Variants in SLC43A2 observed in about 807,000 individuals in gnomAD.
The protein encoded by SLC43A2 is large neutral amino acids transporter small subunit 4.
Under a neutral mutation model 63.2 loss-of-function variants are expected in SLC43A2, and 38 were observed. That is an observed-to-expected ratio of 0.60 (90% CI 0.46 to 0.79). The LOEUF (loss-of-function observed/expected upper bound fraction) is 0.79. SLC43A2 is among the 30% of genes least tolerant of loss of function. SLC43A2 has a pLI of 0.00. For missense variants in SLC43A2, 644 were observed against 756.2 expected, an observed-to-expected ratio of 0.85 and a Z score of 1.74; for synonymous variants, 322 against 331.0, an observed-to-expected ratio of 0.97 and a Z score of 0.30.
chr17:1,602,491 C>A (rs956420890), intron 5 of SLC43A2, among the ~76,000 whole-genome samples: 1 of 151,764 alleles, frequency 6.6e-6, no homozygotes, highest in African/African-American at 2.4e-5. Flanking sequence ...ACTAAAAATA[C>A]AAAAATTAGC....
rs1006963551 is a variant in SLC43A2, at chr17:1,583,499, G to A, written c.1218-163C>T. The stretch of plus-strand genomic sequence containing the variant: ...GTGTCGGGGCTGGACCAGCACTACG[G>A]ACACTCCCCGGCCCTTCTCAGTGGC... On this transcript the variant is annotated intron_variant, in intron 10 of 13. Transcript: ENST00000301335. This position sits in a 1 kb window ranked among gnomAD's most constrained non-coding sequence, Gnocchi z 5.5. The A allele has an allele frequency of 1.2e-5, 15 of 1,252,850 alleles. No homozygotes were observed. The African/African-American group carries it at 1.5e-4, about 13-fold the overall frequency. The allele number at this position is 1,252,850 out of a possible 1,614,324, so 77.6% of individuals were successfully genotyped here.
chr17:1,577,161 G>A lies in SLC43A2; in HGVS notation c.1425-441C>T, dbSNP rs2075947166. Among the ~76,000 whole-genome samples the A allele has an allele frequency of 6.6e-6, 1 of 152,190 alleles. No individual in the cohort carries two copies. Among genetic ancestry groups the A allele is most frequent in the African/African-American group, 2.4e-5 (1 of 41,440 alleles). On this transcript the variant is annotated intron_variant, in intron 12 of 13. Transcript: ENST00000301335. The surrounding 1 kb of genome is among the most constrained non-coding windows in gnomAD (Gnocchi z 4.9). ...TTACAGGCGTGAGCCACCGCGCCCGGCCCTGCTGGGTGGTTCTGCAAAGTG... is the reference window on the plus strand; with the variant it reads ...TTACAGGCGTGAGCCACCGCGCCCGACCCTGCTGGGTGGTTCTGCAAAGTG...
chr17:1,604,695 T>C, intron 5 of SLC43A2: 1 of 1,529,678 alleles, frequency 6.5e-7, no homozygotes, highest in Non-Finnish European at 8.8e-7. Flanking sequence ...ATGGCTTACA[T>C]TCCTTCTGAA....
rs1470371320 is a variant in SLC43A2, at chr17:1,590,836, G to A, written c.1044C>T (p.Ile348=). 1.3e-6 allele frequency: 2 copies of A among 1,556,102 alleles called. No individual in the cohort carries two copies. Among genetic ancestry groups the A allele is most frequent in the Non-Finnish European group, 1.7e-6 (2 of 1,149,080 alleles). Residue 348 remains isoleucine, a synonymous_variant, in exon 9 of 14, where the codon ATC becomes ATT. Coordinates refer to ENST00000301335, the MANE Select transcript of SLC43A2 (RefSeq NM_152346.3). ...LIFYMGAMNN[I]LKFLVSGDQK... The stretch of plus-strand genomic sequence containing the variant: ...GGTCGCCGCTGACCAGGAACTTGAG[G>A]ATGTTGTTCATAGCCCCCATGTAGA...
In SLC43A2 at chr17:1,570,547, C is replaced by T. The variant is rs1011487132; in HGVS notation, c.*5057G>A. Reference sequence around the variant, plus strand: ...TGTCGCCCAGGCTGGAGTGCAGTGGCGGGATCTCGGCTCACTGCAAGCTCC... The same window carrying T: ...TGTCGCCCAGGCTGGAGTGCAGTGGTGGGATCTCGGCTCACTGCAAGCTCC... On this transcript the variant is annotated 3_prime_UTR_variant, in exon 14 of 14. Coordinates refer to ENST00000301335, the MANE Select transcript of SLC43A2 (RefSeq NM_152346.3). 4.1e-5 allele frequency: 6 copies of T among 145,112 alleles called. No homozygotes were observed. The highest frequency in any genetic ancestry group is 7.5e-5 in the Non-Finnish European group (5 of 66,742). 9.0% of individuals were successfully genotyped at this position (145,112 alleles called of 1,614,324 possible). A position where few individuals can be genotyped will look rare whatever the true frequency, so the allele number is the denominator to read the frequency against.
In SLC43A2 at chr17:1,626,877, A is replaced by G. The variant is rs367804133; in HGVS notation, c.160+838T>C. Among the ~76,000 whole-genome samples the G allele has an allele frequency of 1.4e-4, 21 of 152,324 alleles. No individual in the cohort carries two copies. The South Asian group carries it at 4.1e-3, about 30-fold the overall frequency. On this transcript the variant is annotated intron_variant, in intron 2 of 13. Transcript: ENST00000301335. ...TGCCTAAGAAGGAGGGTAGGAGGCT[A>G]GAGGCTGGGGGCTGCTGTGGCCCTC...
chr17:1,594,746 C>T (rs1024071788), intron 5 of SLC43A2, among the ~76,000 whole-genome samples: 5 of 151,546 alleles, frequency 3.3e-5, no homozygotes, highest in Non-Finnish European at 7.4e-5. Context: ...CGCCACCACA[C>T]CCGGCTAATT....
At position 1,575,710 on chromosome 17, in the gene SLC43A2, A is replaced by G. The variant is rs1453049366; in HGVS notation, c.1604T>C (p.Leu535Pro). 6.2e-7 allele frequency: 1 copy of G among 1,613,938 alleles called. No homozygotes were observed. The highest frequency in any genetic ancestry group is 8.5e-7 in the Non-Finnish European group (1 of 1,179,966). The stretch of plus-strand genomic sequence containing the variant: ...CTCCAGCTGGCGCCGGTAGCAGATC[A>G]GGTAGAGCGGGAGGCAGAAGCCCAG... ...SLLGFCLPLY[L>P]ICYRRQLERQ... is the part of the protein sequence containing the mutation. Residue 535 changes from leucine (L) to proline (P), a missense_variant, in exon 14 of 14, where the codon CTG (leucine) becomes CCG (proline). Physicochemically the swap from Leu to Pro is moderately conservative, Grantham distance 98. Transcript: ENST00000301335.
chr17:1,586,928 T>TTGCCCCCCCC, intron 9 of SLC43A2: 2 of 1,232,906 alleles, frequency 1.6e-6, no homozygotes, highest in Non-Finnish European at 2.2e-6. Flanking sequence ...TCCCTGACAA[T>TTGCCCCCCCC]CCCCCCCACC....
At chr17:1,612,109 A>G (rs1391097393) in intron 5 of SLC43A2, among the ~76,000 whole-genome samples, 1 of 152,036 alleles carries the variant, frequency 6.6e-6, no homozygotes, top group Non-Finnish European at 1.5e-5. Flanking sequence ...GATTACAGGC[A>G]TGCACCACCC....
At chr17:1,587,230 G>A (rs567777820) in intron 9 of SLC43A2, among the ~76,000 whole-genome samples, 225 of 152,322 alleles carry the variant, frequency 1.5e-3, no homozygotes, top group African/African-American at 4.6e-3. Context: ...GCTGGTGCCG[G>A]GTCACAGGCG....
At chr17:1,612,544 C>T (rs1469955102) in intron 5 of SLC43A2, among the ~76,000 whole-genome samples, 7 of 152,332 alleles carry the variant, frequency 4.6e-5, no homozygotes, top group African/African-American at 7.2e-5. Flanking sequence ...CCGAAGCTCC[C>T]GGAGACCCTG....
At chr17:1,628,961 C>G (rs1015321283), upstream of SLC43A2, 2 of 152,340 alleles carry the variant, frequency 1.3e-5, no homozygotes, top group Non-Finnish European at 2.9e-5. Flanking sequence ...CCCGCCCCGC[C>G]GCGAGCAGAA....
Position 1,627,757 on chromosome 17 carries a change from G to C in SLC43A2, c.118C>G (p.Leu40Val). 6.3e-7 allele frequency: 1 copy of C among 1,595,290 alleles called. No individual in the cohort carries two copies. Among genetic ancestry groups the C allele is most frequent in the Non-Finnish European group, 8.5e-7 (1 of 1,171,604 alleles). ...TAGGAGTAAAAGCCCTCTGACTTGA[G>C]CATGATGAGCAGCGAGCCCCAGCCC... is the stretch of plus-strand genomic sequence containing the variant. ...LLGWGSLLIM[L>V]KSEGFYSYLC... is the part of the protein sequence containing the mutation. The change falls in exon 2 of 14, where the codon CTC becomes GTC. Residue 40 changes from leucine (L) to valine (V), a missense_variant. Physicochemically the swap from Leu to Val is conservative, Grantham distance 32. Transcript: ENST00000301335.
At position 1,574,689 on chromosome 17, in the gene SLC43A2, C is replaced by T. The variant is rs2075893457; in HGVS notation, c.*915G>A. On this transcript the variant is annotated 3_prime_UTR_variant, in exon 14 of 14. Transcript: ENST00000301335. ...CCAGGATGGCTCCTGGGCACTGGCCCAGCTGCAGGCCTGGCGGCTCCCGCC... is the reference window on the plus strand; with the variant it reads ...CCAGGATGGCTCCTGGGCACTGGCCTAGCTGCAGGCCTGGCGGCTCCCGCC... 1 of 152,330 alleles carries T rather than the reference C, an allele frequency of 6.6e-6. No individual in the cohort carries two copies. The highest frequency in any genetic ancestry group is 2.4e-5 in the African/African-American group (1 of 41,460). 9.4% of individuals were successfully genotyped at this position (152,330 alleles called of 1,614,324 possible).
At chr17:1,581,235 G>C (rs576322595) in intron 11 of SLC43A2, among the ~76,000 whole-genome samples, 1 of 34,666 alleles carries the variant, frequency 2.9e-5, no homozygotes, top group African/African-American at 8.9e-5. Context: ...CGCTGTGCAG[G>C]CCTCCCCACC....
At chr17:1,599,910 G>T (rs1905750686) in intron 5 of SLC43A2, among the ~76,000 whole-genome samples, 1 of 149,180 alleles carries the variant, frequency 6.7e-6, no homozygotes, top group Non-Finnish European at 1.5e-5. Flanking sequence ...TGGGCGTGGT[G>T]GCGGGCGCCT....
chr17:1,586,992 AAAG>A, intron 9 of SLC43A2: 1 of 1,529,198 alleles, frequency 6.5e-7, no homozygotes, highest in Non-Finnish European at 8.7e-7. Flanking sequence ...GAAAAAGCAG[AAAG>A]AAGAGAGGTT....
intron 5 of SLC43A2, chr17:1,604,410 G>A (rs1327378847): frequency 2.4e-5 from 7 of 287,304 alleles, no homozygotes; most frequent in Non-Finnish European, 3.9e-5. Flanking sequence ...AGGCTGGAGC[G>A]CAGTGGCTAT....
Sources: gnomAD v4.1 joint callset for allele counts (sites outside exome capture counted in the v4.1 genomes callset) on GRCh38, gnomAD v4.1.1 for gene constraint, Gnocchi (gnomAD v3.1) non-coding constraint, MANE v1.5 for transcripts, NCBI Gene and HGNC (gene_info 2026-07-23, HGNC 2026-07-21) for gene names.